RPS6KA2: variants seen among roughly 807,000 people sequenced by gnomAD.
RPS6KA2 encodes ribosomal protein S6 kinase A2.
In RPS6KA2, 42 loss-of-function variants were observed where a neutral mutation model predicts 91.8. The ratio of observed to expected loss-of-function variants is 0.46; its 90% CI spans 0.36 to 0.59. RPS6KA2 has a LOEUF of 0.59. RPS6KA2 is among the 20% of genes least tolerant of loss of function. The pLI is 0.00. For synonymous variants in RPS6KA2, 414 were observed against 393.6 expected (o/e 1.05, Z -0.61); for missense variants, 798 against 978.5 (o/e 0.82, Z 2.46).
At chr6:166,773,524 C>T (rs1490857249) in intron 2 of RPS6KA2, among the ~76,000 whole-genome samples, 1 of 152,094 alleles carries the variant, frequency 6.6e-6, no homozygotes, top group Non-Finnish European at 1.5e-5. Context: ...GCCTCAGCCT[C>T]GTGAGTAGCT....
rs1411508182 is a variant in RPS6KA2 at position 166,418,692 on chromosome 6, G to A, written c.1821-350C>T. 2.0e-5 allele frequency among the ~76,000 whole-genome samples: 3 copies of A among 152,240 alleles called. No homozygotes were observed. The highest frequency in any genetic ancestry group is 2.1e-4 in the South Asian group (1 of 4,836). ...GGCATCATGCGAGAGAGCCTGAGAC[G>A]TGGAGTCTGAGAGACCCACGGTGGA... On this transcript the variant is annotated intron_variant, in intron 18 of 20. Coordinates refer to ENST00000265678, the MANE Select transcript of RPS6KA2 (RefSeq NM_021135.6). This position sits in a 1 kb window ranked among gnomAD's most constrained non-coding sequence, Gnocchi z 4.9.
intron 10 of RPS6KA2, among the ~76,000 whole-genome samples, chr6:166,487,450 C>T (rs1486410909): frequency 6.6e-6 from 1 of 152,126 alleles, no homozygotes; most frequent in Admixed American, 6.5e-5. Flanking sequence ...AATTGCTTTA[C>T]TGTGTTGTGT....
At chr6:166,466,426 TACTTTGGAGTGGCTCC>T (rs1354867225) in intron 11 of RPS6KA2, among the ~76,000 whole-genome samples, 2 of 152,238 alleles carry the variant, frequency 1.3e-5, no homozygotes, top group African/African-American at 2.4e-5. Flanking sequence ...GGGCCATGCA[TACTTTGGAGTGGCTCC>T]ACTCTTGGCT....
intron 1 of RPS6KA2, among the ~76,000 whole-genome samples, chr6:166,568,638 A>G (rs1313192033): frequency 5.5e-4 from 60 of 108,384 alleles, no homozygotes; most frequent in African/African-American, 3.5e-3. Context: ...AAAAAAAAAA[A>G]AAAAAAAAAA....
chr6:166,444,220 C>G (rs1344114978), intron 14 of RPS6KA2, among the ~76,000 whole-genome samples: 1 of 152,206 alleles, frequency 6.6e-6, no homozygotes, highest in African/African-American at 2.4e-5. Context: ...CACCTCTCCC[C>G]TTCCTTTTAA....
At chr6:166,579,023 A>G (rs1401207707) in intron 1 of RPS6KA2, among the ~76,000 whole-genome samples, 1 of 152,218 alleles carries the variant, frequency 6.6e-6, no homozygotes, top group Non-Finnish European at 1.5e-5. Flanking sequence ...AGAAGGAAAC[A>G]GTAAGTCTGA....
intron 2 of RPS6KA2, among the ~76,000 whole-genome samples, chr6:166,762,626 G>C (rs1778208636): frequency 6.6e-6 from 1 of 152,182 alleles, no homozygotes; most frequent in Non-Finnish European, 1.5e-5. Context: ...CGGTCCCTGA[G>C]AGACTCAGCC....
intron 1 of RPS6KA2, among the ~76,000 whole-genome samples, chr6:166,560,532 A>C (rs1784312891): frequency 1.3e-5 from 2 of 152,252 alleles, no homozygotes; most frequent in Admixed American, 1.3e-4. Flanking sequence ...TGTGATCAGA[A>C]TTCAGAGGAG....
At chr6:166,537,738 T>C (rs1480818647) in intron 2 of RPS6KA2, among the ~76,000 whole-genome samples, 1 of 152,244 alleles carries the variant, frequency 6.6e-6, no homozygotes, top group Non-Finnish European at 1.5e-5. Context: ...AATGTCTACA[T>C]ACCACACAAA....
chr6:166,644,561 C>T (rs1787549734), intron 2 of RPS6KA2, among the ~76,000 whole-genome samples: 1 of 152,140 alleles, frequency 6.6e-6, no homozygotes, highest in Non-Finnish European at 1.5e-5. Flanking sequence ...AAGGATCTGA[C>T]TTAAGTTGCG....
chr6:166,489,895 C>A (rs962420182), intron 9 of RPS6KA2, among the ~76,000 whole-genome samples: 3 of 151,952 alleles, frequency 2.0e-5, no homozygotes, highest in African/African-American at 7.3e-5. Flanking sequence ...AAGAGCAGCT[C>A]ATGAGGACAA....
At chr6:166,682,368 T>A (rs1788850211) in intron 2 of RPS6KA2, among the ~76,000 whole-genome samples, 1 of 152,216 alleles carries the variant, frequency 6.6e-6, no homozygotes, top group Non-Finnish European at 1.5e-5. Flanking sequence ...ACGTTTGGCT[T>A]ACATCATAAA....
chr6:166,550,937 G>C (rs9459693), intron 1 of RPS6KA2, among the ~76,000 whole-genome samples: 1,970 of 141,678 alleles, frequency 0.014, 52 homozygotes, highest in African/African-American at 0.046. Flanking sequence ...GGAGGCGGAG[G>C]TTGCAGTGAG....
chr6:166,437,311 G>A lies in RPS6KA2; in HGVS notation c.1333-4821C>T, dbSNP rs753159163. 1.2e-4 allele frequency among the ~76,000 whole-genome samples: 18 copies of A among 152,162 alleles called. No homozygotes were observed. Among genetic ancestry groups the A allele is most frequent in the South Asian group, 4.1e-4 (2 of 4,836 alleles). The stretch of plus-strand genomic sequence containing the variant: ...CTTATTAGAGCAAGCTCTGGTGGAC[G>A]GCGTTCCTCATTCTGAGAATAATAT... On this transcript the variant is annotated intron_variant, in intron 14 of 20. Transcript: ENST00000265678. This position sits in a 1 kb window ranked among gnomAD's most constrained non-coding sequence, Gnocchi z 4.3.
intron 1 of RPS6KA2, among the ~76,000 whole-genome samples, chr6:166,572,590 G>A (rs913262092): frequency 6.6e-6 from 1 of 152,202 alleles, no homozygotes; most frequent in Non-Finnish European, 1.5e-5. Context: ...CCTGCCTGTT[G>A]CCCTGTGGCA....
chr6:166,789,701 T>C (rs1302250096), intron 2 of RPS6KA2, among the ~76,000 whole-genome samples: 3 of 152,112 alleles, frequency 2.0e-5, no homozygotes, highest in African/African-American at 7.2e-5. Flanking sequence ...CATTTGTGGG[T>C]CACCAATATC....
chr6:166,823,072 G>A (rs150713433), intron 2 of RPS6KA2, among the ~76,000 whole-genome samples: 66 of 152,278 alleles, frequency 4.3e-4, no homozygotes, highest in African/African-American at 1.3e-3. Context: ...AAGGGCAGAC[G>A]ACCCCACCTG....
chr6:166,571,173 G>A (rs1362389349), intron 1 of RPS6KA2, among the ~76,000 whole-genome samples: 1 of 152,220 alleles, frequency 6.6e-6, no homozygotes, highest in Non-Finnish European at 1.5e-5. Flanking sequence ...ACAGGAAACA[G>A]TAAGCGCGGG....
In RPS6KA2 at chr6:166,752,238, T is replaced by C. The variant is rs1410841733; in HGVS notation, c.123+105962A>G. ...CGGTATAGCCACAACCCAGGTCCTC[T>C]GTGAGTATGATGAAGACATCACACA... is the stretch of plus-strand genomic sequence containing the variant. On this transcript the variant is annotated intron_variant, in intron 2 of 21. Transcript: ENST00000503859. Among the ~76,000 whole-genome samples the C allele has an allele frequency of 3.3e-5, 5 of 152,246 alleles. No individual in the cohort carries two copies. In the South Asian group the frequency reaches 6.2e-4, roughly 19 times the overall value.
Sources: gnomAD v4.1 joint callset for allele counts (sites outside exome capture counted in the v4.1 genomes callset) on GRCh38, gnomAD v4.1.1 for gene constraint, Gnocchi (gnomAD v3.1) non-coding constraint, MANE v1.5 for transcripts, NCBI Gene and HGNC (gene_info 2026-07-23, HGNC 2026-07-21) for gene names.